The following DLG2 variants were observed in gnomAD, a reference collection of about 807,000 sequenced individuals.
DLG2 encodes the protein discs large MAGUK scaffold protein 2.
A neutral mutation model predicts 132.5 loss-of-function variants in DLG2; 45 were observed. The observed-to-expected ratio is 0.34, with a 90% CI of 0.27 to 0.44. The LOEUF is 0.44. Among genes scored for constraint, DLG2 ranks in the 20% least tolerant of loss-of-function variants. DLG2 has a pLI of 1.00. For missense variants in DLG2, 1,045 were observed against 1,196.9 expected, an observed-to-expected ratio of 0.87 and a Z score of 1.87; for synonymous variants, 424 against 419.6, an observed-to-expected ratio of 1.01 and a Z score of -0.13.
At chr11:83,985,813 A>C (rs12809044) in intron 11 of DLG2, among the ~76,000 whole-genome samples, 3,369 of 152,220 alleles carry the variant, frequency 0.022, 68 homozygotes, top group Middle Eastern at 0.034. Context: ...TGTTGCAATG[A>C]AAATACATGT....
chr11:85,576,085 TA>T (rs1397161274), intron 3 of DLG2, among the ~76,000 whole-genome samples: 1 of 152,162 alleles, frequency 6.6e-6, no homozygotes, highest in Non-Finnish European at 1.5e-5. Flanking sequence ...TTCAAATATG[TA>T]AGAAAAAATG....
intron 6 of DLG2, among the ~76,000 whole-genome samples, chr11:85,003,609 G>A (rs544392067): frequency 6.6e-6 from 1 of 152,046 alleles, no homozygotes; most frequent in South Asian, 2.1e-4. Context: ...TTTGTTAAGG[G>A]TATATTACTT....
intron 6 of DLG2, among the ~76,000 whole-genome samples, chr11:84,589,564 T>G (rs1199273064): frequency 6.6e-6 from 1 of 152,162 alleles, no homozygotes; most frequent in Non-Finnish European, 1.5e-5. Flanking sequence ...TATTGAGGGT[T>G]AAACATTAAA....
chr11:84,768,882 A>G (rs114615576), intron 6 of DLG2, among the ~76,000 whole-genome samples: 3,755 of 152,188 alleles, frequency 0.025, 157 homozygotes, highest in African/African-American at 0.087. Context: ...CCCCTCTCCA[A>G]GATTTCTCTC....
chr11:85,533,987 T>A, intron 3 of DLG2, among the ~76,000 whole-genome samples: 1 of 152,206 alleles, frequency 6.6e-6, no homozygotes, highest in East Asian at 1.9e-4. Flanking sequence ...GGTTTTTTGT[T>A]TTTTGTTTGT....
At chr11:83,796,144 T>C (rs1006517869) in intron 17 of DLG2, among the ~76,000 whole-genome samples, 15 of 152,196 alleles carry the variant, frequency 9.9e-5, no homozygotes, top group African/African-American at 3.6e-4. Flanking sequence ...GGATTGTGAG[T>C]GAATAAGTGA....
At chr11:85,223,130 G>A (rs555381716) in intron 4 of DLG2, among the ~76,000 whole-genome samples, 53 of 152,238 alleles carry the variant, frequency 3.5e-4, no homozygotes, top group African/African-American at 1.1e-3. Context: ...ATAACAAATC[G>A]GAATTTATTA....
rs188334562 is a variant in DLG2 at position 83,507,719 on chromosome 11, C to T, written c.2194-23491G>A. Among the ~76,000 whole-genome samples, 240 of 134,226 alleles carry T rather than the reference C, an allele frequency of 1.8e-3. 2 individuals carry two copies. The highest frequency in any genetic ancestry group is 6.2e-3 in the African/African-American group (229 of 36,820). 88.1% of individuals were successfully genotyped at this position (134,226 alleles called of 152,430 possible). ...AATCTCCATAATCCCTCCAGGGATG[C>T]GATATTGTTTTTTATTTATATTTAC... On this transcript the variant is annotated intron_variant, in intron 21 of 27. Coordinates refer to ENST00000376104, the MANE Select transcript of DLG2 (RefSeq NM_001142699.3).
intron 6 of DLG2, among the ~76,000 whole-genome samples, chr11:84,667,203 C>T (rs1046356273): frequency 8.6e-5 from 13 of 151,960 alleles, no homozygotes; most frequent in African/African-American, 2.4e-4. Flanking sequence ...CCATTCGCAC[C>T]GGGCAGGTAA....
Position 85,121,888 on chromosome 11 carries a change from G to A in DLG2, c.283-10153C>T, listed in dbSNP as rs1357343147. ...TATGTATATATGCTAAAACATTTGT[G>A]TATATGTGCACATGAGTCTATATAT... On this transcript the variant is annotated intron_variant, in intron 5 of 27. Coordinates refer to ENST00000376104, the MANE Select transcript of DLG2 (RefSeq NM_001142699.3). Among the ~76,000 whole-genome samples the A allele has an allele frequency of 6.6e-5, 10 of 152,092 alleles. 1 individual carries two copies. Among genetic ancestry groups the A allele is most frequent in the Admixed American group, 3.3e-4 (5 of 15,270 alleles).
intron 7 of DLG2, among the ~76,000 whole-genome samples, chr11:84,378,744 C>T (rs1050856316): frequency 1.1e-4 from 16 of 149,890 alleles, no homozygotes; most frequent in African/African-American, 4.0e-4. Flanking sequence ...TCCTGCCCAA[C>T]ATGGTGAAAC....
At chr11:85,077,691 T>C (rs1438435050) in intron 6 of DLG2, among the ~76,000 whole-genome samples, 1 of 152,062 alleles carries the variant, frequency 6.6e-6, no homozygotes, top group Admixed American at 6.6e-5. Flanking sequence ...TTTTTCAAGT[T>C]CAAAGCTGAC....
chr11:84,721,224 G>A (rs1421134163), intron 6 of DLG2, among the ~76,000 whole-genome samples: 1 of 152,162 alleles, frequency 6.6e-6, no homozygotes, highest in Non-Finnish European at 1.5e-5. Context: ...GGGGGCAGAG[G>A]GCCAGCAAAG....
intron 7 of DLG2, among the ~76,000 whole-genome samples, chr11:84,435,356 G>A (rs1444054393): frequency 2.0e-5 from 3 of 152,028 alleles, no homozygotes; most frequent in African/African-American, 4.8e-5. Flanking sequence ...ACCAGGCATC[G>A]ACTGAGTGCC....
Position 84,518,166 on chromosome 11 carries a change from G to C in DLG2, c.519+16404C>G, listed in dbSNP as rs925221644. Among the ~76,000 whole-genome samples, 2 of 92,712 alleles carry C rather than the reference G, an allele frequency of 2.2e-5. 1 individual carries two copies. The highest frequency in any genetic ancestry group is 1.8e-4 in the Admixed American group (2 of 10,822). The allele number at this position is 92,712 out of a possible 152,430, so 60.8% of individuals were successfully genotyped here. A position where few individuals can be genotyped will look rare whatever the true frequency, so the allele number is the denominator to read the frequency against. On this transcript the variant is annotated intron_variant, in intron 7 of 27. Coordinates refer to ENST00000376104, the MANE Select transcript of DLG2 (RefSeq NM_001142699.3). ...CTGAGCAAAACTATTAGTGGCCAAC[G>C]TAACAACTGGTCCCAGTCTTTTAAG...
intron 11 of DLG2, among the ~76,000 whole-genome samples, chr11:84,026,707 C>T (rs536575683): frequency 6.6e-6 from 1 of 152,148 alleles, no homozygotes; most frequent in African/African-American, 2.4e-5. Flanking sequence ...CTCCATATTC[C>T]CAGTGGGCTA....
chr11:83,719,420 G>A (rs1566687284), intron 18 of DLG2, among the ~76,000 whole-genome samples: 2 of 152,120 alleles, frequency 1.3e-5, no homozygotes, highest in African/African-American at 2.4e-5. Flanking sequence ...TCTGAGGCTG[G>A]GTACTTTATA....
chr11:84,633,349 CT>C (rs2099635344), intron 6 of DLG2, among the ~76,000 whole-genome samples: 1 of 152,100 alleles, frequency 6.6e-6, no homozygotes, highest in Non-Finnish European at 1.5e-5. Flanking sequence ...ACCATGACTT[CT>C]CTGTGCTTTT....
chr11:85,343,087 A>G (rs1206686923), intron 3 of DLG2, among the ~76,000 whole-genome samples: 1 of 152,222 alleles, frequency 6.6e-6, no homozygotes, highest in Non-Finnish European at 1.5e-5. Context: ...CAATTCCTCT[A>G]ATATACAGTC....
Sources: allele counts gnomAD v4.1 joint callset (sites outside exome capture counted in the v4.1 genomes callset), GRCh38; gene constraint gnomAD v4.1.1; transcripts MANE v1.5; gene names NCBI Gene and HGNC (gene_info 2026-07-23, HGNC 2026-07-21).